NELL1: variants seen among roughly 807,000 people sequenced by gnomAD.
NELL1 encodes neural EGFL like 1, also known as protein kinase C-binding protein NELL1.
NELL1 carries 76 observed loss-of-function variants against 107.4 expected under a neutral mutation model. The observed-to-expected ratio is 0.71, with a 90% CI of 0.59 to 0.86. The LOEUF is 0.86. NELL1 is among the 40% of genes least tolerant of loss of function. The pLI is 0.00. For missense variants in NELL1, 1,024 were observed against 1,005.5 expected, an observed-to-expected ratio of 1.02 and a Z score of -0.25; for synonymous variants, 353 against 341.2, an observed-to-expected ratio of 1.03 and a Z score of -0.38.
intron 13 of NELL1, among the ~76,000 whole-genome samples, chr11:21,174,929 T>A (rs1856681700): frequency 6.6e-6 from 1 of 151,704 alleles, no homozygotes; most frequent in Non-Finnish European, 1.5e-5. Context: ...ATTCAATAAG[T>A]AAAGCACTCT....
chr11:20,839,089 A>T (rs1034674033), intron 3 of NELL1, among the ~76,000 whole-genome samples: 17 of 151,826 alleles, frequency 1.1e-4, no homozygotes, highest in African/African-American at 4.1e-4. Flanking sequence ...TCTGCCACTA[A>T]TTTTATTTTT....
intron 13 of NELL1, among the ~76,000 whole-genome samples, chr11:21,199,262 C>G (rs1168846316): frequency 6.6e-6 from 1 of 152,154 alleles, no homozygotes; most frequent in African/African-American, 2.4e-5. Flanking sequence ...CTAGCCAACT[C>G]TGTAGGTAGA....
chr11:20,765,822 TA>T (rs1279582492), intron 2 of NELL1, among the ~76,000 whole-genome samples: 6 of 152,136 alleles, frequency 3.9e-5, no homozygotes, highest in Non-Finnish European at 8.8e-5. Flanking sequence ...TAATTGCAGA[TA>T]AAAAAACACA....
intron 2 of NELL1, among the ~76,000 whole-genome samples, chr11:20,767,242 T>C (rs911315272): frequency 1.3e-5 from 2 of 152,160 alleles, no homozygotes; most frequent in African/African-American, 4.8e-5. Flanking sequence ...GCAAGATTTA[T>C]TGTGAAGAGC....
rs1855696034 is a variant in NELL1 at position 21,520,604 on chromosome 11, C to A, written c.1646-13770C>A. 1.3e-5 allele frequency among the ~76,000 whole-genome samples: 2 copies of A among 152,118 alleles called. 1 individual carries two copies. Among genetic ancestry groups the A allele is most frequent in the South Asian group, 4.1e-4 (2 of 4,820 alleles). ...TGCATGGATCCCATAGAGTCTAGAG[C>A]CCCAACACTTGTACATTTTGTGAGC... On this transcript the variant is annotated intron_variant, in intron 15 of 19. Coordinates refer to ENST00000357134, the MANE Select transcript of NELL1 (RefSeq NM_006157.5).
Position 21,188,915 on chromosome 11 carries a change from A to C in NELL1, c.1427-40417A>C, listed in dbSNP as rs768470049. 4.7e-4 allele frequency among the ~76,000 whole-genome samples: 71 copies of C among 151,998 alleles called. 1 individual carries two copies. The highest frequency in any genetic ancestry group is 3.4e-3 in the Middle Eastern group (1 of 294). On this transcript the variant is annotated intron_variant, in intron 13 of 19. Coordinates refer to ENST00000357134, the MANE Select transcript of NELL1 (RefSeq NM_006157.5). ...TTGGACCCATCATTGAATCCTATCA[A>C]ATCTTAACATGTTGTCATATATACC... is the stretch of plus-strand genomic sequence containing the variant.
chr11:20,716,827 A>G (rs1027813728), intron 2 of NELL1, among the ~76,000 whole-genome samples: 1 of 152,228 alleles, frequency 6.6e-6, no homozygotes, highest in African/African-American at 2.4e-5. Context: ...AATATAATGT[A>G]TTAGAACAGC....
intron 3 of NELL1, among the ~76,000 whole-genome samples, chr11:20,786,312 C>T (rs1024285252): frequency 1.4e-5 from 2 of 146,828 alleles, no homozygotes; most frequent in East Asian, 2.0e-4. Context: ...ATTGCACCAT[C>T]GCACACCAGC....
chr11:20,994,872 T>C (rs901148809), intron 12 of NELL1, among the ~76,000 whole-genome samples: 5 of 152,236 alleles, frequency 3.3e-5, no homozygotes, highest in Non-Finnish European at 7.3e-5. Context: ...CAATAAAATG[T>C]CATAAATAAT....
At chr11:21,056,262 A>G (rs750107510) in intron 12 of NELL1, among the ~76,000 whole-genome samples, 10 of 152,200 alleles carry the variant, frequency 6.6e-5, no homozygotes, top group Non-Finnish European at 1.3e-4. Context: ...CCCTTCCAAG[A>G]ATAATATGAC....
At chr11:20,822,157 C>T (rs747667311) in intron 3 of NELL1, among the ~76,000 whole-genome samples, 13 of 152,060 alleles carry the variant, frequency 8.5e-5, no homozygotes, top group Non-Finnish European at 1.8e-4. Flanking sequence ...GGGGCATATA[C>T]GAGAATGACT....
At chr11:21,032,439 G>T (rs955093447) in intron 12 of NELL1, among the ~76,000 whole-genome samples, 1 of 152,160 alleles carries the variant, frequency 6.6e-6, no homozygotes, top group South Asian at 2.1e-4. Context: ...GCCCAGGCTG[G>T]AGTGCAGTGG....
intron 12 of NELL1, among the ~76,000 whole-genome samples, chr11:21,033,241 T>C (rs1853005791): frequency 6.6e-6 from 1 of 152,218 alleles, no homozygotes; most frequent in Admixed American, 6.5e-5. Flanking sequence ...AATTTGAAGA[T>C]TGGTGATTGT....
chr11:21,149,786 AG>A (rs1391891309), intron 13 of NELL1, among the ~76,000 whole-genome samples: 1 of 152,204 alleles, frequency 6.6e-6, no homozygotes, highest in Non-Finnish European at 1.5e-5. Context: ...CTTATATTCT[AG>A]GTAGTGAAAA....
At chr11:20,972,204 T>A (rs1216137297) in intron 12 of NELL1, among the ~76,000 whole-genome samples, 1 of 151,870 alleles carries the variant, frequency 6.6e-6, no homozygotes, top group Non-Finnish European at 1.5e-5. Context: ...AAATAAAAAA[T>A]TAAAATAAAA....
chr11:21,315,031 A>G (rs1363245309), intron 14 of NELL1, among the ~76,000 whole-genome samples: 1 of 151,956 alleles, frequency 6.6e-6, no homozygotes, highest in Non-Finnish European at 1.5e-5. Flanking sequence ...TAATTTTTGT[A>G]TTTTTAGTAG....
At chr11:21,021,012 AACACACACACACACACACACACACACAC>A (rs56813080) in intron 12 of NELL1, among the ~76,000 whole-genome samples, 2 of 140,224 alleles carry the variant, frequency 1.4e-5, no homozygotes, top group Non-Finnish European at 3.1e-5. Context: ...AGAAACTTAG[AACACACACACACACACACACACACACAC>A]ACACACACAG....
At chr11:21,192,462 G>A (rs1254770839) in intron 13 of NELL1, among the ~76,000 whole-genome samples, 1 of 151,850 alleles carries the variant, frequency 6.6e-6, no homozygotes, top group Non-Finnish European at 1.5e-5. Flanking sequence ...ACTGTTTGAA[G>A]TATTCCTTTA....
At chr11:21,568,924 T>C (rs1204623319) in intron 17 of NELL1, among the ~76,000 whole-genome samples, 1 of 151,636 alleles carries the variant, frequency 6.6e-6, no homozygotes, top group Non-Finnish European at 1.5e-5. Flanking sequence ...TTAAAAAAGA[T>C]AGTATACTAA....
Sources: allele counts gnomAD v4.1 joint callset (sites outside exome capture counted in the v4.1 genomes callset), GRCh38; gene constraint gnomAD v4.1.1; transcripts MANE v1.5; gene names NCBI Gene and HGNC (gene_info 2026-07-23, HGNC 2026-07-21).